MCTP1: variants seen among roughly 807,000 people sequenced by gnomAD.
The protein encoded by MCTP1 is multiple C2 and transmembrane domain containing 1, also known as multiple C2 and transmembrane domain-containing protein 1.
A neutral mutation model predicts 120.6 loss-of-function variants in MCTP1; 69 were observed. That is an observed-to-expected ratio of 0.57 (90% CI 0.47 to 0.70). The LOEUF is 0.70. Ranked by LOEUF, MCTP1 falls within the 30% of genes least tolerant of loss-of-function variation. The pLI is 0.00. For missense variants in MCTP1, 1,203 were observed against 1,248.8 expected, an observed-to-expected ratio of 0.96 and a Z score of 0.55; for synonymous variants, 529 against 493.1, an observed-to-expected ratio of 1.07 and a Z score of -0.96.
In MCTP1 at chr5:95,171,871, CGGA is replaced by C. The variant is rs546926118; in HGVS notation, c.720+111982_720+111984del. On this transcript the variant is annotated intron_variant, in intron 1 of 22. Transcript: ENST00000515393. ...TGGGTTTCAACTTACTCCTTTAGCT[CGGA>C]GGAGTTTAATCGTCTGAAGCCTTCT... Among the ~76,000 whole-genome samples, 122 of 152,198 alleles carry C rather than the reference CGGA, an allele frequency of 8.0e-4. 1 individual carries two copies. Among genetic ancestry groups the C allele is most frequent in the African/African-American group, 2.9e-3 (119 of 41,564 alleles).
intron 2 of MCTP1, among the ~76,000 whole-genome samples, chr5:94,999,931 G>C (rs970014289): frequency 6.6e-6 from 1 of 152,182 alleles, no homozygotes; most frequent in Non-Finnish European, 1.5e-5. Flanking sequence ...TCAGAATAAA[G>C]TGTGAAGACC....
At chr5:94,927,003 A>T (rs752203099) in intron 6 of MCTP1, among the ~76,000 whole-genome samples, 16 of 152,346 alleles carry the variant, frequency 1.1e-4, no homozygotes, top group South Asian at 6.2e-4. Flanking sequence ...AGCCAACAAG[A>T]GTACTCAAAT....
rs140850730 is a variant in MCTP1 at position 95,249,864 on chromosome 5, G to T, written c.720+33992C>A. Among the ~76,000 whole-genome samples the T allele has an allele frequency of 7.2e-3, 1,103 of 152,294 alleles. 12 individuals carry two copies. Among genetic ancestry groups the T allele is most frequent in the South Asian group, 0.03 (146 of 4,820 alleles). On this transcript the variant is annotated intron_variant, in intron 1 of 22. Transcript: ENST00000515393. ...GAGTTCATATCCTTTGCAGGGACAT[G>T]GATGAAGCTAGAAACCATCAATCTA...
chr5:94,755,805 T>TG (rs1205896077), intron 19 of MCTP1, among the ~76,000 whole-genome samples: 3 of 152,162 alleles, frequency 2.0e-5, no homozygotes, highest in African/African-American at 4.8e-5. Context: ...TGTAATAACT[T>TG]TGTATCTCTA....
intron 1 of MCTP1, among the ~76,000 whole-genome samples, chr5:95,029,797 T>A (rs1022483040): frequency 2.0e-5 from 3 of 152,130 alleles, no homozygotes; most frequent in African/African-American, 7.2e-5. Flanking sequence ...CCCCTCAGGT[T>A]TGAAATTAGG....
Position 95,284,631 on chromosome 5 carries a change from C to A in MCTP1, c.-56G>T. 7.5e-7 allele frequency: 1 copy of A among 1,325,558 alleles called. No homozygotes were observed. The highest frequency in any genetic ancestry group is 3.7e-5 in the Admixed American group (1 of 27,260). 82.1% of individuals were successfully genotyped at this position (1,325,558 alleles called of 1,614,324 possible). ...TCCTCCTCCTCCTCCTCCTGCTTCT[C>A]CTCCCTCTTCGGCTGCACCTCCTCC... On this transcript the variant is annotated 5_prime_UTR_variant, in exon 1 of 23. Transcript: ENST00000515393. The surrounding 1 kb of genome is among the most constrained non-coding windows in gnomAD (Gnocchi z 5.2).
intron 19 of MCTP1, among the ~76,000 whole-genome samples, chr5:94,768,848 T>G (rs1242193479): frequency 1.3e-5 from 2 of 152,092 alleles, no homozygotes; most frequent in African/African-American, 4.8e-5. Flanking sequence ...AAACTTAAAA[T>G]AGAACTAGCA....
At chr5:95,162,479 G>A (rs1415282376) in intron 1 of MCTP1, among the ~76,000 whole-genome samples, 1 of 152,136 alleles carries the variant, frequency 6.6e-6, no homozygotes, top group East Asian at 1.9e-4. Flanking sequence ...TTTACAGGCT[G>A]TGAAGCAAAC....
Position 94,765,135 on chromosome 5 carries a change from C to T in MCTP1, c.2610+13975G>A, listed in dbSNP as rs180964063. ...AATATATGGAAAGGAAACAACATGC[C>T]GCTAAACAACAATTGGGTCAATGAA... On this transcript the variant is annotated intron_variant, in intron 19 of 22. Coordinates refer to ENST00000515393, the MANE Select transcript of MCTP1 (RefSeq NM_024717.7). 4.6e-5 allele frequency among the ~76,000 whole-genome samples: 7 copies of T among 151,654 alleles called. No homozygotes were observed. In the East Asian group the frequency reaches 9.7e-4, roughly 21 times the overall value.
At chr5:95,226,941 G>A (rs1227077108) in intron 1 of MCTP1, among the ~76,000 whole-genome samples, 1 of 151,944 alleles carries the variant, frequency 6.6e-6, no homozygotes, top group African/African-American at 2.4e-5. Flanking sequence ...AAAATACAAC[G>A]GGATTTTAGG....
chr5:95,085,429 T>A (rs1436299011), intron 1 of MCTP1, among the ~76,000 whole-genome samples: 1 of 150,666 alleles, frequency 6.6e-6, no homozygotes, highest in Non-Finnish European at 1.5e-5. Context: ...CTTAGCATTA[T>A]CTTCTTAAGA....
intron 1 of MCTP1, among the ~76,000 whole-genome samples, chr5:95,181,473 C>T (rs1748586354): frequency 6.6e-6 from 1 of 152,208 alleles, no homozygotes; most frequent in African/African-American, 2.4e-5. Flanking sequence ...AGCAGGATGT[C>T]TTCCATGATG....
At chr5:95,067,300 A>G (rs1394875144) in intron 1 of MCTP1, among the ~76,000 whole-genome samples, 1 of 152,204 alleles carries the variant, frequency 6.6e-6, no homozygotes, top group Non-Finnish European at 1.5e-5. Flanking sequence ...TTCTCACCAC[A>G]AAGAAGTGAC....
chr5:95,022,509 C>T (rs1032283364), intron 1 of MCTP1, among the ~76,000 whole-genome samples: 1 of 152,046 alleles, frequency 6.6e-6, no homozygotes, highest in Non-Finnish European at 1.5e-5. Flanking sequence ...AAATTATGAA[C>T]CTTTAAAATC....
At chr5:94,728,771 T>TC (rs535895572) in intron 19 of MCTP1, among the ~76,000 whole-genome samples, 5 of 152,192 alleles carry the variant, frequency 3.3e-5, no homozygotes, top group Non-Finnish European at 7.3e-5. Flanking sequence ...TCATTTTCTT[T>TC]CCCCCGCACT....
chr5:94,854,482 G>T (rs1581046884), intron 17 of MCTP1, among the ~76,000 whole-genome samples: 1 of 151,964 alleles, frequency 6.6e-6, no homozygotes, highest in East Asian at 1.9e-4. Context: ...TAATTGACTA[G>T]GTTGGAACTT....
At chr5:95,208,668 C>A (rs150869527) in intron 1 of MCTP1, among the ~76,000 whole-genome samples, 1 of 150,216 alleles carries the variant, frequency 6.7e-6, no homozygotes, top group African/African-American at 2.5e-5. Context: ...TGTTAGGAAT[C>A]AAGAACCACA....
At chr5:95,134,332 C>A (rs1755006661) in intron 1 of MCTP1, among the ~76,000 whole-genome samples, 2 of 152,192 alleles carry the variant, frequency 1.3e-5, no homozygotes, top group Non-Finnish European at 2.9e-5. Flanking sequence ...CAAATGTTCA[C>A]ACATTATAGG....
chr5:95,236,982 A>T (rs2152668129), intron 1 of MCTP1, among the ~76,000 whole-genome samples: 1 of 152,278 alleles, frequency 6.6e-6, no homozygotes, highest in Non-Finnish European at 1.5e-5. Flanking sequence ...TTAGGTGGGT[A>T]TTCTGATATT....
Sources: allele counts gnomAD v4.1 joint callset (sites outside exome capture counted in the v4.1 genomes callset), GRCh38; gene constraint gnomAD v4.1.1; non-coding constraint Gnocchi (gnomAD v3.1); transcripts MANE v1.5; gene names NCBI Gene and HGNC (gene_info 2026-07-23, HGNC 2026-07-21).